Variants in MIPOL1 observed in about 807,000 individuals in gnomAD.
MIPOL1 encodes the protein mirror-image polydactyly gene 1 protein.
A neutral mutation model predicts 60.9 loss-of-function variants in MIPOL1; 57 were observed. The observed-to-expected ratio is 0.94, with a 90% CI of 0.76 to 1.17. The LOEUF (loss-of-function observed/expected upper bound fraction) is 1.17. Ranked by LOEUF, MIPOL1 falls within the 50% of genes most tolerant of loss-of-function variation. The pLI is 0.00. For synonymous variants in MIPOL1, 179 were observed against 168.8 expected, an observed-to-expected ratio of 1.06 and a Z score of -0.47; for missense variants, 551 against 511.6, an observed-to-expected ratio of 1.08 and a Z score of -0.74.
chr14:37,281,535 G>C (rs772023112), intron 6 of MIPOL1, among the ~76,000 whole-genome samples: 25 of 152,170 alleles, frequency 1.6e-4, no homozygotes, highest in Non-Finnish European at 2.5e-4. Flanking sequence ...CTCCTGAGTA[G>C]CTGGGATTAC....
At chr14:37,478,488 GA>G (rs1340505103) in intron 11 of MIPOL1, among the ~76,000 whole-genome samples, 1 of 152,034 alleles carries the variant, frequency 6.6e-6, no homozygotes, top group Non-Finnish European at 1.5e-5. Flanking sequence ...AACTAAAAAG[GA>G]AGATAGCAAG....
At chr14:37,535,996 T>C (rs1329069260) in intron 12 of MIPOL1, among the ~76,000 whole-genome samples, 3 of 152,186 alleles carry the variant, frequency 2.0e-5, no homozygotes, top group Middle Eastern at 6.8e-3. Flanking sequence ...ACTCAATCTC[T>C]TGGGCTCAAG....
intron 1 of MIPOL1, among the ~76,000 whole-genome samples, chr14:37,223,729 G>T (rs1969227871): frequency 6.6e-6 from 1 of 152,148 alleles, no homozygotes; most frequent in South Asian, 2.1e-4. Context: ...TTGAACTCCT[G>T]ACCTCAGGAG....
chr14:37,286,903 A>T (rs1469353793), intron 7 of MIPOL1, among the ~76,000 whole-genome samples: 2 of 152,230 alleles, frequency 1.3e-5, no homozygotes, highest in African/African-American at 4.8e-5. Context: ...CTAGAAGGAT[A>T]GATGGCTTGG....
intron 11 of MIPOL1, among the ~76,000 whole-genome samples, chr14:37,496,162 G>C (rs1230835532): frequency 6.6e-6 from 1 of 151,292 alleles, no homozygotes; most frequent in African/African-American, 2.4e-5. Flanking sequence ...AAAATAATAA[G>C]AGCTATCTAT....
At chr14:37,383,493 A>G (rs1321777407) in intron 10 of MIPOL1, among the ~76,000 whole-genome samples, 1 of 151,892 alleles carries the variant, frequency 6.6e-6, no homozygotes, top group East Asian at 1.9e-4. Context: ...TCAAAAAAGT[A>G]CATTTGTCCA....
At chr14:37,300,279 C>T (rs2086256631) in intron 7 of MIPOL1, among the ~76,000 whole-genome samples, 1 of 147,488 alleles carries the variant, frequency 6.8e-6, no homozygotes, top group Admixed American at 6.9e-5. Flanking sequence ...TACTTACATA[C>T]ATTATATGTA....
intron 9 of MIPOL1, among the ~76,000 whole-genome samples, chr14:37,343,782 A>G (rs961829611): frequency 6.6e-6 from 1 of 152,220 alleles, no homozygotes; most frequent in Non-Finnish European, 1.5e-5. Context: ...ATTGCAGATC[A>G]TATAGTAAAT....
Position 37,201,945 on chromosome 14 carries a change from G to T in MIPOL1, c.-199+3841G>T, listed in dbSNP as rs142006846. ...GACCTGGGGTCAAGCTGTCTTCCCT[G>T]CTGCAACCTCCCAAGTAGATAGGAC... is the stretch of plus-strand genomic sequence containing the variant. On this transcript the variant is annotated intron_variant, in intron 1 of 12. Coordinates refer to ENST00000684589, the MANE Select transcript of MIPOL1 (RefSeq NM_001388067.1). Among the ~76,000 whole-genome samples the T allele has an allele frequency of 3.4e-3, 521 of 152,218 alleles. 3 individuals carry two copies. The highest frequency in any genetic ancestry group is 0.012 in the African/African-American group (511 of 41,528).
chr14:37,457,138 G>A (rs2153579095), intron 11 of MIPOL1, among the ~76,000 whole-genome samples: 1 of 152,266 alleles, frequency 6.6e-6, no homozygotes, highest in Admixed American at 6.5e-5. Flanking sequence ...GGACTTTGGT[G>A]TAGAGTATAC....
chr14:37,287,611 T>G (rs2084682730), intron 7 of MIPOL1, among the ~76,000 whole-genome samples: 1 of 152,158 alleles, frequency 6.6e-6, no homozygotes, highest in Admixed American at 6.5e-5. Context: ...AAGTATTAAC[T>G]TGAATTTAAG....
At chr14:37,390,845 G>A (rs1234034029) in intron 10 of MIPOL1, among the ~76,000 whole-genome samples, 2 of 151,890 alleles carry the variant, frequency 1.3e-5, no homozygotes, top group Non-Finnish European at 1.5e-5. Flanking sequence ...GAAAGACAAC[G>A]TGACAAGCAG....
At chr14:37,459,284 A>G (rs893789525) in intron 11 of MIPOL1, among the ~76,000 whole-genome samples, 1 of 152,160 alleles carries the variant, frequency 6.6e-6, no homozygotes, top group Non-Finnish European at 1.5e-5. Flanking sequence ...AGAATAACCA[A>G]TAACAAAAGA....
intron 11 of MIPOL1, among the ~76,000 whole-genome samples, chr14:37,458,583 C>G (rs1357596991): frequency 6.6e-6 from 1 of 151,920 alleles, no homozygotes; most frequent in Non-Finnish European, 1.5e-5. Context: ...TGCCAGGAGG[C>G]TAAAGTGAGA....
chr14:37,292,086 C>T (rs1250304098), intron 7 of MIPOL1, among the ~76,000 whole-genome samples: 22 of 151,806 alleles, frequency 1.4e-4, no homozygotes, highest in African/African-American at 3.1e-4. Flanking sequence ...CCACCATGCC[C>T]GGCTTATTTT....
chr14:37,460,039 A>C (rs1432811468), intron 11 of MIPOL1, among the ~76,000 whole-genome samples: 3 of 152,058 alleles, frequency 2.0e-5, no homozygotes, highest in Non-Finnish European at 2.9e-5. Flanking sequence ...AGATTGTGCC[A>C]CTGCACTCCA....
At chr14:37,506,171 A>G (rs1747628649) in intron 12 of MIPOL1, 1 of 152,208 alleles carries the variant, frequency 6.6e-6, no homozygotes, top group Non-Finnish European at 1.5e-5. Context: ...AAATGGCCAT[A>G]CTGCCTAAGG....
At chr14:37,359,888 G>T (rs1277493212) in intron 9 of MIPOL1, among the ~76,000 whole-genome samples, 3 of 152,116 alleles carry the variant, frequency 2.0e-5, no homozygotes, top group Non-Finnish European at 2.9e-5. Context: ...GGGCATCCTT[G>T]TCTTGTGCCG....
chr14:37,270,950 C>T (rs534585292), intron 6 of MIPOL1, among the ~76,000 whole-genome samples: 2 of 152,100 alleles, frequency 1.3e-5, no homozygotes, highest in East Asian at 3.9e-4. Flanking sequence ...CCAATGGAAA[C>T]CTACATTTGA....
Sources: allele counts gnomAD v4.1 joint callset (sites outside exome capture counted in the v4.1 genomes callset), GRCh38; gene constraint gnomAD v4.1.1; transcripts MANE v1.5; gene names NCBI Gene and HGNC (gene_info 2026-07-23, HGNC 2026-07-21).